Variants in KIF13B observed in about 807,000 individuals in gnomAD.
The protein encoded by KIF13B is kinesin family member 13B.
A neutral mutation model predicts 222.0 loss-of-function variants in KIF13B; 127 were observed. The observed-to-expected ratio is 0.57, with a 90% CI of 0.50 to 0.66. KIF13B has a LOEUF of 0.66. KIF13B is among the 30% of genes least tolerant of loss of function. The pLI is 0.00. For synonymous variants in KIF13B, 976 were observed against 919.0 expected, an observed-to-expected ratio of 1.06 and a Z score of -1.12; for missense variants, 2,173 against 2,379.0, an observed-to-expected ratio of 0.91 and a Z score of 1.80.
chr8:29,167,668 A>C, intron 10 of KIF13B, 83 bp from the exon 11 acceptor site: 2 of 1,166,754 alleles, frequency 1.7e-6, no homozygotes, highest in Non-Finnish European at 2.5e-6. Flanking sequence ...AAAAATGGTG[A>C]ACAAATTTCC....
chr8:29,257,713 G>C (rs1298802682), intron 1 of KIF13B, among the ~76,000 whole-genome samples: 1 of 152,176 alleles, frequency 6.6e-6, no homozygotes, highest in African/African-American at 2.4e-5. Context: ...GGCTGCAGCA[G>C]GAATATCGCT....
Position 29,070,435 on chromosome 8 carries a change from C to G in KIF13B, c.*69G>C, listed in dbSNP as rs1807198570. ...AGGGGCCACCGGGCTCCTGGCTCCT[C>G]AGGGCTGTCACTGGCAGGGCTCAAA... On this transcript the variant is annotated 3_prime_UTR_variant, in exon 40 of 40. Transcript: ENST00000524189. The surrounding 1 kb of genome is among the most constrained non-coding windows in gnomAD (Gnocchi z 4.1). 1 of 1,565,724 alleles carries G rather than the reference C, an allele frequency of 6.4e-7. No individual in the cohort carries two copies. The highest frequency in any genetic ancestry group is 8.7e-7 in the Non-Finnish European group (1 of 1,152,906).
intron 2 of KIF13B, among the ~76,000 whole-genome samples, chr8:29,220,039 G>A (rs1586943524): frequency 6.6e-6 from 1 of 152,216 alleles, no homozygotes; most frequent in South Asian, 2.1e-4. Flanking sequence ...ACTCCAGCCT[G>A]GGCAACAGAG....
At chr8:29,230,894 T>A (rs1001396164) in intron 2 of KIF13B, among the ~76,000 whole-genome samples, 1 of 152,196 alleles carries the variant, frequency 6.6e-6, no homozygotes, top group Non-Finnish European at 1.5e-5. Context: ...TTTTTGTTTT[T>A]GAGACAGGGT....
At chr8:29,103,840 G>T (rs1431023360) in intron 35 of KIF13B, among the ~76,000 whole-genome samples, 1 of 152,112 alleles carries the variant, frequency 6.6e-6, no homozygotes, top group African/African-American at 2.4e-5. Flanking sequence ...AACCAAGAAC[G>T]AAAAGTAGGA....
intron 19 of KIF13B, among the ~76,000 whole-genome samples, chr8:29,141,249 A>C (rs1810805131): frequency 6.6e-6 from 1 of 151,512 alleles, no homozygotes; most frequent in Admixed American, 6.6e-5. Context: ...CAGGAAAATC[A>C]CTTGAACCCA....
In KIF13B at chr8:29,186,256, A is replaced by G. The variant is rs1178677023; in HGVS notation, c.497+36T>C. The G allele has an allele frequency of 3.9e-6, 6 of 1,524,668 alleles. No individual in the cohort carries two copies. In the South Asian group the frequency reaches 7.3e-5, roughly 18 times the overall value. 94.4% of individuals were successfully genotyped at this position (1,524,668 alleles called of 1,614,324 possible). A position where few individuals can be genotyped will look rare whatever the true frequency, so the allele number is the denominator to read the frequency against. ...AGCCAATTTAAGTCTGTTTCAGTTC[A>G]CAATGCTGAAACACTAAAGTCTCAA... On this transcript the variant is annotated intron_variant, in intron 6 of 39. Transcript: ENST00000524189.
chr8:29,124,594 A>T (rs1170859174), intron 26 of KIF13B, among the ~76,000 whole-genome samples: 1 of 151,986 alleles, frequency 6.6e-6, no homozygotes, highest in African/African-American at 2.4e-5. Context: ...CTCAAAATAT[A>T]AAAAATTGGC....
intron 2 of KIF13B, among the ~76,000 whole-genome samples, chr8:29,216,879 G>A (rs1814507003): frequency 6.6e-6 from 1 of 152,008 alleles, no homozygotes. Flanking sequence ...GTGAGCTTCA[G>A]GTTCCCCGTG....
At chr8:29,075,047 G>C (rs999013224) in intron 38 of KIF13B, among the ~76,000 whole-genome samples, 4 of 152,216 alleles carry the variant, frequency 2.6e-5, no homozygotes, top group Non-Finnish European at 4.4e-5. Flanking sequence ...TAAGGCAGCA[G>C]ACTACATTAG....
At chr8:29,092,499 C>G (rs1808344114) in intron 37 of KIF13B, among the ~76,000 whole-genome samples, 1 of 152,196 alleles carries the variant, frequency 6.6e-6, no homozygotes, top group East Asian at 1.9e-4. Context: ...GTGTTATTAC[C>G]ATACATCACA....
At chr8:29,226,499 G>A (rs7815825) in intron 2 of KIF13B, among the ~76,000 whole-genome samples, 4,336 of 152,228 alleles carry the variant, frequency 0.028, 218 homozygotes, top group African/African-American at 0.099. Flanking sequence ...GTGAGTAGGT[G>A]GCCCGGAAAG....
intron 14 of KIF13B, 122 bp downstream of exon 14, chr8:29,155,604 G>T: frequency 1.3e-6 from 1 of 785,830 alleles, no homozygotes; most frequent in Non-Finnish European, 2.1e-6. Flanking sequence ...TAAGGGGCCC[G>T]CCCAACCAAC....
chr8:29,223,164 C>CAAAAAAAA (rs375009923), intron 2 of KIF13B, among the ~76,000 whole-genome samples: 3 of 113,168 alleles, frequency 2.7e-5, no homozygotes, highest in Non-Finnish European at 3.6e-5. Flanking sequence ...CAAAAAAATA[C>CAAAAAAAA]AAAAAAAAAA....
At chr8:29,200,894 C>A (rs1018155859) in intron 2 of KIF13B, among the ~76,000 whole-genome samples, 1 of 152,114 alleles carries the variant, frequency 6.6e-6, no homozygotes, top group Non-Finnish European at 1.5e-5. Flanking sequence ...CACATTGCGC[C>A]CTCCTTGGTG....
chr8:29,146,061 A>G, intron 18 of KIF13B: 1 of 551,002 alleles, frequency 1.8e-6, no homozygotes, highest in East Asian at 3.0e-5. Flanking sequence ...AAGGAAGGAA[A>G]AAAAGACATT....
chr8:29,242,096 A>G (rs1482773751), intron 2 of KIF13B, among the ~76,000 whole-genome samples: 1 of 152,158 alleles, frequency 6.6e-6, no homozygotes, highest in Non-Finnish European at 1.5e-5. Context: ...AAGTATACCA[A>G]TTAACTTTTT....
intron 21 of KIF13B, among the ~76,000 whole-genome samples, chr8:29,137,988 C>G (rs539900159): frequency 7.2e-5 from 11 of 152,314 alleles, no homozygotes; most frequent in Non-Finnish European, 1.6e-4. Flanking sequence ...TCCAAGAGTT[C>G]ATAATCATGC....
rs1809732123 is a variant in KIF13B, at chr8:29,118,985, A to C, written c.3543T>G (p.Asp1181Glu). 1.2e-6 allele frequency: 2 copies of C among 1,613,110 alleles called. No individual in the cohort carries two copies. Among genetic ancestry groups the C allele is most frequent in the Admixed American group, 1.7e-5 (1 of 59,850 alleles). The change falls in exon 30 of 40, where the codon GAT becomes GAG. Residue 1181 changes from aspartate (D) to glutamate (E), a missense_variant. Asp to Glu is a conservative substitution (Grantham distance 45, BLOSUM62 2). Coordinates refer to ENST00000524189, the MANE Select transcript of KIF13B (RefSeq NM_015254.4). ...CATCAAGATTATCCTGAGAGCTGAA[A>C]TCATCAGCTAAAAGCAAAGAAGTTC... Reference protein sequence around the residue: ...PVIFLDLNADDFSSQDNLDDP... With the variant: ...PVIFLDLNADEFSSQDNLDDP...
Sources: allele counts gnomAD v4.1 joint callset (sites outside exome capture counted in the v4.1 genomes callset), GRCh38; gene constraint gnomAD v4.1.1; non-coding constraint Gnocchi (gnomAD v3.1); transcripts MANE v1.5; gene names NCBI Gene and HGNC (gene_info 2026-07-23, HGNC 2026-07-21).